MTMR14: variants seen among roughly 807,000 people sequenced by gnomAD.
The protein encoded by MTMR14 is myotubularin related protein 14.
Under a neutral mutation model 86.3 loss-of-function variants are expected in MTMR14, and 48 were observed. That is an observed-to-expected ratio of 0.56 (90% CI 0.44 to 0.71). The LOEUF (loss-of-function observed/expected upper bound fraction) is 0.71. Among genes scored for constraint, MTMR14 ranks in the 30% least tolerant of loss-of-function variants. The pLI is 0.00. For missense variants in MTMR14, 780 were observed against 834.6 expected, an observed-to-expected ratio of 0.93 and a Z score of 0.81; for synonymous variants, 366 against 326.1, an observed-to-expected ratio of 1.12 and a Z score of -1.32.
At chr3:9,666,824 G>C (rs1174644416) in intron 3 of MTMR14, among the ~76,000 whole-genome samples, 2 of 151,648 alleles carry the variant, frequency 1.3e-5, no homozygotes, top group African/African-American at 4.9e-5. Context: ...GAGCATTCAG[G>C]GTAGATCTTG....
At chr3:9,668,305 T>G (rs1368796739) in intron 3 of MTMR14, among the ~76,000 whole-genome samples, 1 of 152,206 alleles carries the variant, frequency 6.6e-6, no homozygotes, top group Non-Finnish European at 1.5e-5. Flanking sequence ...ACCTTACACA[T>G]CACTTAACCT....
chr3:9,661,594 C>A (rs1412564643), intron 2 of MTMR14, among the ~76,000 whole-genome samples: 1 of 152,018 alleles, frequency 6.6e-6, no homozygotes, highest in Non-Finnish European at 1.5e-5. Flanking sequence ...CAAAAATGGT[C>A]CTGTGATTTC....
intron 3 of MTMR14, among the ~76,000 whole-genome samples, chr3:9,663,658 C>T (rs1181994783): frequency 1.4e-5 from 2 of 143,746 alleles, no homozygotes; most frequent in African/African-American, 5.2e-5. Context: ...GGACTACAGG[C>T]ACCCGCCACC....
intron 16 of MTMR14, among the ~76,000 whole-genome samples, 156 bp downstream of exon 16, chr3:9,689,238 A>T (rs1486148737): frequency 6.6e-6 from 1 of 152,228 alleles, no homozygotes; most frequent in East Asian, 1.9e-4. Context: ...GGGCCTCAGA[A>T]GTCAGCCATC....
intron 1 of MTMR14, among the ~76,000 whole-genome samples, chr3:9,650,055 C>T (rs1012362019): frequency 1.3e-5 from 2 of 152,066 alleles, no homozygotes; most frequent in Non-Finnish European, 2.9e-5. Context: ...AAGGTCTATT[C>T]CCTGCTTCAG....
intron 1 of MTMR14, chr3:9,650,556 C>T (rs1044321311): frequency 3.0e-6 from 1 of 338,910 alleles, no homozygotes; most frequent in Non-Finnish European, 6.0e-6. Context: ...TAGTTGGCAT[C>T]TTGTAGTCTC....
chr3:9,680,597 G>A (rs1241863803), intron 9 of MTMR14, among the ~76,000 whole-genome samples: 2 of 152,208 alleles, frequency 1.3e-5, no homozygotes, highest in Non-Finnish European at 2.9e-5. Context: ...TGTAATCCCA[G>A]CACTTTAGGA....
At chr3:9,665,696 G>A (rs1022929547) in intron 3 of MTMR14, among the ~76,000 whole-genome samples, 22 of 151,740 alleles carry the variant, frequency 1.4e-4, no homozygotes, top group African/African-American at 5.1e-4. Context: ...TGCAACTGAG[G>A]AACTAAGGTT....
chr3:9,685,823 C>T (rs1269670310), intron 13 of MTMR14, among the ~76,000 whole-genome samples: 2 of 152,174 alleles, frequency 1.3e-5, no homozygotes, highest in East Asian at 1.9e-4. Context: ...TCTCCGCAGG[C>T]CTTACCTGTT....
intron 18 of MTMR14, 149 bp downstream of exon 18, chr3:9,698,015 A>G: frequency 8.7e-7 from 1 of 1,145,954 alleles, no homozygotes; most frequent in Non-Finnish European, 1.3e-6. Context: ...GACCCGAGGT[A>G]TGAAGGAGGC....
intron 2 of MTMR14, among the ~76,000 whole-genome samples, chr3:9,659,402 A>T (rs2047790619): frequency 6.6e-6 from 1 of 152,180 alleles, no homozygotes; most frequent in South Asian, 2.1e-4. Flanking sequence ...ACAAGAGATA[A>T]TAAAAACAGG....
chr3:9,678,620 T>C (rs770626746), intron 9 of MTMR14, among the ~76,000 whole-genome samples: 2 of 152,236 alleles, frequency 1.3e-5, no homozygotes, highest in African/African-American at 4.8e-5. Context: ...ACCTTTCCCA[T>C]GTCCTGTTCC....
intron 9 of MTMR14, among the ~76,000 whole-genome samples, chr3:9,679,110 T>C (rs2075675912): frequency 6.6e-6 from 1 of 152,326 alleles, no homozygotes; most frequent in African/African-American, 2.4e-5. Flanking sequence ...AGCAGCAAGG[T>C]CCATCTTGTT....
intron 16 of MTMR14, 90 bp from the exon 17 acceptor site, chr3:9,689,874 G>A (rs1390656530): frequency 3.6e-5 from 47 of 1,306,816 alleles, no homozygotes; most frequent in Non-Finnish European, 4.7e-5. Context: ...CCCAGTGGAA[G>A]TAAAGCCTAG....
intron 17 of MTMR14, among the ~76,000 whole-genome samples, chr3:9,690,885 G>C (rs2125331621): frequency 6.6e-6 from 1 of 152,292 alleles, no homozygotes; most frequent in Non-Finnish European, 1.5e-5. Flanking sequence ...AGGGAAAAAG[G>C]GGCATTTAGA....
chr3:9,654,468 G>C (rs898736748), intron 2 of MTMR14, among the ~76,000 whole-genome samples: 11 of 152,210 alleles, frequency 7.2e-5, no homozygotes, highest in African/African-American at 2.4e-4. Context: ...AGCAGACACA[G>C]AATGCTTGGT....
At chr3:9,698,639 T>C (rs1478664401) in intron 18 of MTMR14, among the ~76,000 whole-genome samples, 1 of 152,112 alleles carries the variant, frequency 6.6e-6, no homozygotes, top group East Asian at 1.9e-4. Flanking sequence ...CCCACCCCTG[T>C]TGGCAGGTGG....
chr3:9,688,444 T>C (rs1575061367), intron 14 of MTMR14, among the ~76,000 whole-genome samples: 1 of 152,348 alleles, frequency 6.6e-6, no homozygotes, highest in East Asian at 1.9e-4. Context: ...ACTTGAACGC[T>C]CAGGGCACAA....
intron 7 of MTMR14, among the ~76,000 whole-genome samples, chr3:9,676,473 A>G (rs994896267): frequency 6.6e-6 from 1 of 152,270 alleles, no homozygotes; most frequent in Admixed American, 6.5e-5. Flanking sequence ...CTCTTGTTGC[A>G]GTGGCAGCGT....
Sources: gnomAD v4.1 joint callset for allele counts (sites outside exome capture counted in the v4.1 genomes callset) on GRCh38, gnomAD v4.1.1 for gene constraint, MANE v1.5 for transcripts, NCBI Gene and HGNC (gene_info 2026-07-23, HGNC 2026-07-21) for gene names.